The following SLC18B1 variants were observed in gnomAD, a reference collection of about 807,000 sequenced individuals.
The protein encoded by SLC18B1 is solute carrier family 18 member B1, also known as MFS-type transporter SLC18B1.
Under a neutral mutation model 53.9 loss-of-function variants are expected in SLC18B1, and 62 were observed. The ratio of observed to expected loss-of-function variants is 1.15; its 90% CI spans 0.94 to 1.42. SLC18B1 has a LOEUF of 1.42. Among genes scored for constraint, SLC18B1 ranks in the 40% most tolerant of loss-of-function variants. The probability of loss-of-function intolerance (pLI) is 0.00; values close to 1 mark genes in which losing one functional copy is unlikely to be tolerated. For missense variants in SLC18B1, 598 were observed against 547.3 expected, an observed-to-expected ratio of 1.09 and a Z score of -0.93; for synonymous variants, 217 against 200.9, an observed-to-expected ratio of 1.08 and a Z score of -0.68.
At chr6:132,788,843 A>AC (rs201537393) in intron 4 of SLC18B1, among the ~76,000 whole-genome samples, 3,288 of 150,056 alleles carry the variant, frequency 0.022, 58 homozygotes, top group South Asian at 0.048. Flanking sequence ...AAAAAAAAAA[A>AC]AACATGTAGA....
intron 11 of SLC18B1, 86 bp downstream of exon 11, chr6:132,772,046 C>A: frequency 1.1e-6 from 1 of 904,512 alleles, no homozygotes; most frequent in Non-Finnish European, 1.7e-6. Flanking sequence ...GAGCCAAGAT[C>A]GCACCATTGC....
intron 2 of SLC18B1, 53 bp downstream of exon 2, chr6:132,796,929 A>T: frequency 6.5e-7 from 1 of 1,549,156 alleles, no homozygotes; most frequent in African/African-American, 1.4e-5. Flanking sequence ...AAAGGCTTTT[A>T]AAAAACAAAC....
chr6:132,778,094 C>A (rs931272412), intron 7 of SLC18B1, among the ~76,000 whole-genome samples: 1 of 151,812 alleles, frequency 6.6e-6, no homozygotes, highest in Non-Finnish European at 1.5e-5. Context: ...CGGGCAGGGG[C>A]GAGGGACACA....
Position 132,787,417 on chromosome 6 carries a change from A to T in SLC18B1, c.501+17T>A, listed in dbSNP as rs370818836. The T allele has an allele frequency of 4.6e-6, 7 of 1,537,308 alleles. No individual in the cohort carries two copies. The highest frequency in any genetic ancestry group is 1.4e-5 in the African/African-American group (1 of 70,632). On this transcript the variant is annotated intron_variant, in intron 5 of 13. Coordinates refer to ENST00000275227, the MANE Select transcript of SLC18B1 (RefSeq NM_052831.3). ...CTACACTCAAAGGAAAGTGGGAAAT[A>T]CTTCTAAAATACATACCAATACCGT...
At chr6:132,796,086 C>T (rs1781668619) in intron 2 of SLC18B1, among the ~76,000 whole-genome samples, 2 of 152,182 alleles carry the variant, frequency 1.3e-5, no homozygotes, top group Admixed American at 6.5e-5. Context: ...CGGTGACTCA[C>T]GCCTGTAATC....
intron 6 of SLC18B1, among the ~76,000 whole-genome samples, chr6:132,781,593 C>G (rs752053084): frequency 2.6e-5 from 4 of 151,844 alleles, no homozygotes; most frequent in Admixed American, 6.6e-5. Flanking sequence ...GCTGTCTCTA[C>G]TAAAAATACA....
chr6:132,781,228 A>T (rs762543380), intron 6 of SLC18B1, among the ~76,000 whole-genome samples: 2 of 152,200 alleles, frequency 1.3e-5, no homozygotes, highest in Non-Finnish European at 2.9e-5. Flanking sequence ...ATATTAAAAC[A>T]TCCATGAAAA....
At chr6:132,772,701 A>G (rs1018555469) in intron 10 of SLC18B1, among the ~76,000 whole-genome samples, 1 of 152,190 alleles carries the variant, frequency 6.6e-6, no homozygotes, top group African/African-American at 2.4e-5. Context: ...TGAAAGAGGA[A>G]CAATGCTGAG....
chr6:132,770,955 A>G lies in SLC18B1; in HGVS notation c.1255-16T>C. On this transcript the variant is annotated splice_polypyrimidine_tract_variant and intron_variant, in intron 12 of 13. Transcript: ENST00000275227. Reference sequence around the variant, plus strand: ...TGGCTAATCCCTTAAACACAATTAAAAGTACTGATTAATGTAAATTTTCCA... The same window carrying G: ...TGGCTAATCCCTTAAACACAATTAAGAGTACTGATTAATGTAAATTTTCCA... 6.2e-7 allele frequency: 1 copy of G among 1,612,310 alleles called. No individual in the cohort carries two copies. The highest frequency in any genetic ancestry group is 2.2e-5 in the East Asian group (1 of 44,844).
chr6:132,781,935 C>T (rs1011953190), intron 6 of SLC18B1, among the ~76,000 whole-genome samples: 2 of 151,840 alleles, frequency 1.3e-5, no homozygotes, highest in African/African-American at 4.8e-5. Context: ...CACCTGTAAT[C>T]GCAGCACTTT....
rs749874467 is a variant in SLC18B1, at chr6:132,773,098, G to A, written c.990-10C>T. On this transcript the variant is annotated splice_polypyrimidine_tract_variant and intron_variant, in intron 9 of 13. Coordinates refer to ENST00000275227, the MANE Select transcript of SLC18B1 (RefSeq NM_052831.3). ...CAGCAGCCAGAGCTGACTGCAAAAGGGTTTTGGAGAAAACAAATACAAAAA... is the reference window on the plus strand; with the variant it reads ...CAGCAGCCAGAGCTGACTGCAAAAGAGTTTTGGAGAAAACAAATACAAAAA... 6.2e-7 allele frequency: 1 copy of A among 1,601,044 alleles called. No individual in the cohort carries two copies. The highest frequency in any genetic ancestry group is 8.6e-7 in the Non-Finnish European group (1 of 1,169,152).
At chr6:132,772,707 C>T (rs1189589682) in intron 10 of SLC18B1, among the ~76,000 whole-genome samples, 2 of 152,110 alleles carry the variant, frequency 1.3e-5, no homozygotes, top group African/African-American at 2.4e-5. Flanking sequence ...AGGAACAATG[C>T]TGAGACCTAT....
intron 11 of SLC18B1, among the ~76,000 whole-genome samples, chr6:132,771,716 C>A (rs1780978447): frequency 6.6e-6 from 1 of 152,182 alleles, no homozygotes. Context: ...TTGAGAAACT[C>A]ATCTGATCCC....
At position 132,776,324 on chromosome 6, in the gene SLC18B1, G is replaced by T. The variant is rs774169058; in HGVS notation, c.897+4C>A. The stretch of plus-strand genomic sequence containing the variant: ...TGACTCAAATATAAATTAAGTGTAC[G>T]TACTGGCCTTTTATCACTTAGGAGA... On this transcript the variant is annotated splice_donor_region_variant and intron_variant, in intron 8 of 13. Transcript: ENST00000275227. 1 of 1,605,300 alleles carries T rather than the reference G, an allele frequency of 6.2e-7. No homozygotes were observed. The highest frequency in any genetic ancestry group is 2.2e-5 in the East Asian group (1 of 44,772).
At chr6:132,780,681 C>T (rs1016633159) in intron 6 of SLC18B1, among the ~76,000 whole-genome samples, 1 of 150,632 alleles carries the variant, frequency 6.6e-6, no homozygotes, top group African/African-American at 2.4e-5. Context: ...CCTGCCTCAG[C>T]CTCCCGAGTA....
rs34648566 is a variant in SLC18B1, at chr6:132,793,122, C to CAATAAATAAATA, written c.184-2862_184-2851dup. Reference sequence around the variant, plus strand: ...GGCATGATGGAACGAGGCTCTGTCTCAATAAATAAATAAATAAATAAGCAA... The same window carrying CAATAAATAAATA: ...GGCATGATGGAACGAGGCTCTGTCTCAATAAATAAATAAATAAATAAATAAATAAATAAGCAA... On this transcript the variant is annotated intron_variant, in intron 2 of 13. Coordinates refer to ENST00000275227, the MANE Select transcript of SLC18B1 (RefSeq NM_052831.3). Among the ~76,000 whole-genome samples, 606 of 151,802 alleles carry CAATAAATAAATA rather than the reference C, an allele frequency of 4.0e-3. 3 individuals are homozygous for CAATAAATAAATA. The highest frequency in any genetic ancestry group is 0.013 in the African/African-American group (553 of 41,408).
chr6:132,785,897 C>CAAAAAAAAAAAAAAAAAAAAAAAAAA (rs71545048), intron 5 of SLC18B1, among the ~76,000 whole-genome samples: 7 of 81,180 alleles, frequency 8.6e-5, no homozygotes, highest in African/African-American at 1.8e-4. Context: ...CCTGTCTCTA[C>CAAAAAAAAAAAAAAAAAAAAAAAAAA]AAAAAAAAAA....
intron 6 of SLC18B1, among the ~76,000 whole-genome samples, chr6:132,781,629 G>A (rs1048238050): frequency 3.3e-5 from 5 of 151,368 alleles, no homozygotes; most frequent in Middle Eastern, 3.5e-3. Context: ...TGGTGGCGCA[G>A]GCCTGTAATC....
Position 132,789,740 on chromosome 6 carries a change from A to G in SLC18B1, c.353+24T>C. On this transcript the variant is annotated intron_variant, in intron 4 of 13. Coordinates refer to ENST00000275227, the MANE Select transcript of SLC18B1 (RefSeq NM_052831.3). ...CATTACAAAATCTGTTCAAGCTCCCAAATATAATCAGAAAATGACTTACCC... is the reference window on the plus strand; with the variant it reads ...CATTACAAAATCTGTTCAAGCTCCCGAATATAATCAGAAAATGACTTACCC... 1.9e-6 allele frequency: 3 copies of G among 1,539,692 alleles called. No homozygotes were observed. The South Asian group carries it at 3.4e-5, about 17-fold the overall frequency.
Sources: gnomAD v4.1 joint callset for allele counts (sites outside exome capture counted in the v4.1 genomes callset) on GRCh38, gnomAD v4.1.1 for gene constraint, MANE v1.5 for transcripts, NCBI Gene and HGNC (gene_info 2026-07-23, HGNC 2026-07-21) for gene names.